The following ITSN2 variants were observed in gnomAD, a reference collection of about 807,000 sequenced individuals.
ITSN2 encodes the protein intersectin-2.
Under a neutral mutation model 243.7 loss-of-function variants are expected in ITSN2, and 156 were observed. The ratio of observed to expected loss-of-function variants is 0.64; its 90% CI spans 0.56 to 0.73. ITSN2 has a LOEUF of 0.73. Among genes scored for constraint, ITSN2 ranks in the 30% least tolerant of loss-of-function variants. ITSN2 has a pLI of 0.00. For missense variants in ITSN2, 1,801 were observed against 1,996.1 expected (o/e 0.90, Z 1.86); for synonymous variants, 703 against 699.9 (o/e 1.00, Z -0.07).
chr2:24,266,602 T>TTA lies in ITSN2; in HGVS notation c.2355+4067_2355+4068dup, dbSNP rs538834866. ...AATGAAAGCAAACACTTATGAAATA[T>TTA]TATCCTGTAAATCTAGTTTAAGACT... is the stretch of plus-strand genomic sequence containing the variant. On this transcript the variant is annotated intron_variant, in intron 20 of 39. Transcript: ENST00000355123. Among the ~76,000 whole-genome samples the TTA allele has an allele frequency of 1.9e-3, 290 of 152,168 alleles. 3 individuals are homozygous for TTA. Among genetic ancestry groups the TTA allele is most frequent in the African/African-American group, 6.9e-3 (288 of 41,508 alleles).
chr2:24,209,704 G>A, intron 35 of ITSN2, 114 bp downstream of exon 35: 1 of 793,664 alleles, frequency 1.3e-6, no homozygotes, highest in Middle Eastern at 2.7e-4. Flanking sequence ...GAGCGATCTG[G>A]AACCAGGTGA....
At chr2:24,355,386 T>C (rs1428340353) in intron 1 of ITSN2, among the ~76,000 whole-genome samples, 1 of 152,152 alleles carries the variant, frequency 6.6e-6, no homozygotes, top group South Asian at 2.1e-4. Context: ...AAAACAGACA[T>C]ATAAGCCAAT....
intron 1 of ITSN2, 54 bp from the exon 2 acceptor site, chr2:24,328,169 T>C: frequency 7.8e-7 from 1 of 1,277,158 alleles, no homozygotes; most frequent in Non-Finnish European, 1.1e-6. Context: ...AAATCACAGT[T>C]TAGTGCACCC....
rs773275217 is a variant in ITSN2 at position 24,204,132 on chromosome 2, G to T, written c.4936+113C>A. 9.4e-7 allele frequency: 1 copy of T among 1,063,194 alleles called. No individual in the cohort carries two copies. The highest frequency in any genetic ancestry group is 2.4e-5 in the East Asian group (1 of 41,726). 65.9% of individuals were successfully genotyped at this position (1,063,194 alleles called of 1,614,324 possible). A position where few individuals can be genotyped will look rare whatever the true frequency, so the allele number is the denominator to read the frequency against. ...CCAAAGCGAGATGACACAGGCCTGT[G>T]TCACTTCCCTGAAGTGGCATGGGGT... On this transcript the variant is annotated intron_variant, in intron 39 of 39. Coordinates refer to ENST00000355123, the MANE Select transcript of ITSN2 (RefSeq NM_006277.3). The surrounding 1 kb of genome is among the most constrained non-coding windows in gnomAD (Gnocchi z 5.1).
rs199829981 is a variant in ITSN2 at position 24,246,780 on chromosome 2, T to G, written c.3385+17A>C. 4.8e-6 allele frequency: 7 copies of G among 1,464,606 alleles called. No homozygotes were observed. The African/African-American group carries it at 8.4e-5, about 18-fold the overall frequency. 90.7% of individuals were successfully genotyped at this position (1,464,606 alleles called of 1,614,324 possible). ...AAACTCCTCTAAAATGAAATACAAA[T>G]TAACCCACTTCCATACCAGGATGAA... On this transcript the variant is annotated intron_variant, in intron 28 of 39. Coordinates refer to ENST00000355123, the MANE Select transcript of ITSN2 (RefSeq NM_006277.3).
intron 8 of ITSN2, 94 bp from the exon 9 acceptor site, chr2:24,303,956 A>T: frequency 1.1e-6 from 1 of 881,936 alleles, no homozygotes; most frequent in Non-Finnish European, 1.9e-6. Flanking sequence ...CAATGCTACC[A>T]GGGTATCCTG....
intron 29 of ITSN2, among the ~76,000 whole-genome samples, chr2:24,224,720 G>A (rs553365175): frequency 1.3e-5 from 2 of 151,344 alleles, no homozygotes; most frequent in Admixed American, 6.6e-5. Context: ...TACAACCTCC[G>A]CCTCCCGGGT....
At chr2:24,216,480 G>T (rs1475879094) in intron 31 of ITSN2, among the ~76,000 whole-genome samples, 4 of 152,234 alleles carry the variant, frequency 2.6e-5, no homozygotes, top group African/African-American at 9.6e-5. Flanking sequence ...GGTGGGCTGG[G>T]CACGGTGGCT....
Position 24,214,048 on chromosome 2 carries a change from A to G in ITSN2, c.3991-1300T>C, listed in dbSNP as rs79670704. On this transcript the variant is annotated intron_variant, in intron 32 of 39. Transcript: ENST00000355123. ...GGGACTGAAGGCACCCACATGTTAA[A>G]TAACTTGCCTCTGGTCACACAATTA... 2.3e-3 allele frequency among the ~76,000 whole-genome samples: 354 copies of G among 152,378 alleles called. 1 individual carries two copies. Among genetic ancestry groups the G allele is most frequent in the Admixed American group, 7.8e-3 (119 of 15,310 alleles).
At position 24,216,211 on chromosome 2, in the gene ITSN2, C is replaced by G. The variant is rs749923599; in HGVS notation, c.3828G>C (p.Lys1276Asn). Residue 1276 changes from lysine (K) to asparagine (N), a missense_variant, in exon 32 of 40, where the codon AAG becomes AAC. Lys to Asn is a moderately conservative substitution (Grantham distance 94). This residue lies in a region of ITSN2 where 928 missense variants were observed against 1,065.4 expected (regional missense o/e 0.87). Transcript: ENST00000355123. ...GCACCGGCATCTTCTCGCCCCCGGTCTTCTTCCGCACCCGCAAAGCCCTGC... is the reference window on the plus strand; with the variant it reads ...GCACCGGCATCTTCTCGCCCCCGGTGTTCTTCCGCACCCGCAAAGCCCTGC... ...KLLKALRVRK[K>N]TGGEKMPVQM... The G allele has an allele frequency of 7.5e-6, 12 of 1,605,630 alleles. No individual in the cohort carries two copies. In the Admixed American group the frequency reaches 1.0e-4, roughly 14 times the overall value.
chr2:24,354,245 AAAG>A (rs1301549484), intron 1 of ITSN2, among the ~76,000 whole-genome samples: 1 of 152,240 alleles, frequency 6.6e-6, no homozygotes, highest in Non-Finnish European at 1.5e-5. Context: ...ACCACACTTT[AAAG>A]AAGGCTTCAC....
rs751213029 is a variant in ITSN2 at position 24,275,780 on chromosome 2, A to C, written c.2014T>G (p.Leu672Val). 3.1e-6 allele frequency: 5 copies of C among 1,612,388 alleles called. No homozygotes were observed. Among genetic ancestry groups the C allele is most frequent in the African/African-American group, 1.3e-5 (1 of 74,846 alleles). Reference protein sequence around the residue: ...EQLYKIKRDKLKEIERKRLEL... With the variant: ...EQLYKIKRDKVKEIERKRLEL... ...AATCTTTTCCTTTCAATTTCCTTCA[A>C]CTTGTCACGTTTGATCTTATAAAGC... is the stretch of plus-strand genomic sequence containing the variant. The change falls in exon 18 of 40, where the codon TTG becomes GTG. Residue 672 changes from leucine to valine, a missense_variant. Physicochemically the swap from Leu to Val is conservative, Grantham distance 32. Coordinates refer to ENST00000355123, the MANE Select transcript of ITSN2 (RefSeq NM_006277.3).
chr2:24,361,165 C>A, upstream of ITSN2, among the ~76,000 whole-genome samples: 1 of 152,202 alleles, frequency 6.6e-6, no homozygotes, highest in East Asian at 1.9e-4. Flanking sequence ...GCTAGTCACA[C>A]TCCGCCGAGC....
intron 29 of ITSN2, among the ~76,000 whole-genome samples, chr2:24,224,136 C>T (rs925520849): frequency 6.6e-6 from 1 of 152,096 alleles, no homozygotes; most frequent in Non-Finnish European, 1.5e-5. Context: ...TGGTGCTACT[C>T]GGTGTGGCCA....
Position 24,310,529 on chromosome 2 carries a change from G to T in ITSN2, c.516C>A (p.Ala172=). 1 of 1,614,162 alleles carries T rather than the reference G, an allele frequency of 6.2e-7. No individual in the cohort carries two copies. The highest frequency in any genetic ancestry group is 8.5e-7 in the Non-Finnish European group (1 of 1,180,018). ...GAATGGGTAAAGGCTGAATGAGACT[G>T]GCGGTTCCATTTGGTAATGATGATG... is the stretch of plus-strand genomic sequence containing the variant. The part of the protein sequence containing the change: ...VSTSSLPNGT[A]SLIQPLPIPY... Residue 172 remains alanine, a synonymous_variant, in exon 6 of 40, where the codon GCC becomes GCA. Coordinates refer to ENST00000355123, the MANE Select transcript of ITSN2 (RefSeq NM_006277.3).
upstream of ITSN2, chr2:24,360,793 C>T (rs943978041): frequency 2.0e-5 from 3 of 152,792 alleles, no homozygotes; most frequent in South Asian, 4.1e-4. Flanking sequence ...CCACCTGGCT[C>T]CTCCTCCCCG....
intron 13 of ITSN2, among the ~76,000 whole-genome samples, chr2:24,297,267 C>T (rs995178758): frequency 4.3e-4 from 65 of 152,154 alleles, no homozygotes; most frequent in African/African-American, 1.5e-3. Context: ...CTAAATCTGG[C>T]TCTACTACAT....
chr2:24,297,507 G>A (rs1681124831), intron 13 of ITSN2, among the ~76,000 whole-genome samples: 1 of 152,118 alleles, frequency 6.6e-6, no homozygotes, highest in African/African-American at 2.4e-5. Flanking sequence ...AGATCATTTA[G>A]GTCAGCAGTT....
At chr2:24,231,262 C>T (rs1053488972) in intron 29 of ITSN2, among the ~76,000 whole-genome samples, 14 of 152,210 alleles carry the variant, frequency 9.2e-5, no homozygotes, top group African/African-American at 1.4e-4. Flanking sequence ...AACACCAGCT[C>T]CAAGATGGCA....
Sources: allele counts gnomAD v4.1 joint callset (sites outside exome capture counted in the v4.1 genomes callset), GRCh38; gene constraint gnomAD v4.1.1; regional missense constraint gnomAD v4.1.1; non-coding constraint Gnocchi (gnomAD v3.1); transcripts MANE v1.5; gene names NCBI Gene and HGNC (gene_info 2026-07-23, HGNC 2026-07-21).